EPS15: variants seen among roughly 807,000 people sequenced by gnomAD.
EPS15 encodes the protein epidermal growth factor receptor substrate 15.
In EPS15, 72 loss-of-function variants were observed where a neutral mutation model predicts 113.8. That is an observed-to-expected ratio of 0.63 (90% CI 0.52 to 0.77). The LOEUF (loss-of-function observed/expected upper bound fraction) is 0.77. Among genes scored for constraint, EPS15 ranks in the 30% least tolerant of loss-of-function variants. The pLI is 0.00. For missense variants in EPS15, 1,048 were observed against 1,045.8 expected (o/e 1.00, Z -0.03); for synonymous variants, 344 against 363.4 (o/e 0.95, Z 0.61).
chr1:51,461,254 C>T, intron 7 of EPS15, 104 bp from the exon 8 acceptor site: 1 of 784,388 alleles, frequency 1.3e-6, no homozygotes, highest in African/African-American at 1.7e-5. Flanking sequence ...GGCTCATGCC[C>T]ATATGGCCTC....
intron 13 of EPS15, among the ~76,000 whole-genome samples, chr1:51,415,627 T>C (rs1336246768): frequency 6.7e-6 from 1 of 149,848 alleles, no homozygotes; most frequent in African/African-American, 2.5e-5. Context: ...AAAAACCCCG[T>C]CTCTACTAAA....
chr1:51,415,490 T>C (rs1373365949), intron 13 of EPS15, among the ~76,000 whole-genome samples: 1 of 151,954 alleles, frequency 6.6e-6, no homozygotes, highest in Non-Finnish European at 1.5e-5. Flanking sequence ...TTTCTAAATA[T>C]GAAAAAAGGT....
At chr1:51,381,109 T>A (rs1168871056) in intron 21 of EPS15, among the ~76,000 whole-genome samples, 2 of 152,134 alleles carry the variant, frequency 1.3e-5, no homozygotes, top group African/African-American at 4.8e-5. Flanking sequence ...ATATCTCACT[T>A]TCAATAAGGA....
chr1:51,509,092 T>C (rs1011803529), intron 1 of EPS15, among the ~76,000 whole-genome samples: 2 of 152,094 alleles, frequency 1.3e-5, no homozygotes, highest in African/African-American at 2.4e-5. Context: ...TTTATCTCCC[T>C]AAAAAACCAA....
At chr1:51,392,065 G>T in intron 21 of EPS15, among the ~76,000 whole-genome samples, 1 of 152,018 alleles carries the variant, frequency 6.6e-6, no homozygotes, top group Non-Finnish European at 1.5e-5. Context: ...AAGAAAAGAG[G>T]TCCAAGGACT....
At chr1:51,385,301 T>G (rs543944126) in intron 21 of EPS15, among the ~76,000 whole-genome samples, 2 of 152,094 alleles carry the variant, frequency 1.3e-5, no homozygotes, top group South Asian at 4.2e-4. Context: ...AAATAGCCAA[T>G]AAGCATATAA....
intron 13 of EPS15, among the ~76,000 whole-genome samples, chr1:51,413,393 C>A (rs772167693): frequency 6.6e-6 from 1 of 152,174 alleles, no homozygotes; most frequent in Non-Finnish European, 1.5e-5. Context: ...CTTTGATTAT[C>A]CAAAATCTTG....
intron 6 of EPS15, among the ~76,000 whole-genome samples, chr1:51,464,573 C>T (rs1654712985): frequency 6.6e-6 from 1 of 152,094 alleles, no homozygotes; most frequent in Non-Finnish European, 1.5e-5. Context: ...GAATAAACAT[C>T]AAGATTTCTC....
intron 8 of EPS15, among the ~76,000 whole-genome samples, chr1:51,452,045 C>A (rs1187892841): frequency 2.6e-5 from 4 of 151,474 alleles, no homozygotes; most frequent in Admixed American, 6.6e-5. Flanking sequence ...CCAAACCCAG[C>A]TAATTTTTTT....
intron 12 of EPS15, among the ~76,000 whole-genome samples, chr1:51,436,070 G>T (rs1480733356): frequency 6.6e-6 from 1 of 152,198 alleles, no homozygotes; most frequent in East Asian, 1.9e-4. Context: ...TTCGAGTACT[G>T]TACTGAACAC....
chr1:51,494,325 C>G (rs976621706), intron 1 of EPS15, among the ~76,000 whole-genome samples: 1 of 152,198 alleles, frequency 6.6e-6, no homozygotes, highest in Admixed American at 6.5e-5. Flanking sequence ...TCTATAAAAC[C>G]TCTTATCCAT....
intron 1 of EPS15, among the ~76,000 whole-genome samples, chr1:51,488,141 G>A (rs541636780): frequency 6.6e-6 from 1 of 152,166 alleles, no homozygotes; most frequent in South Asian, 2.1e-4. Flanking sequence ...AAACAATAAG[G>A]CTATTTTCAA....
At chr1:51,380,864 A>T (rs1646925095) in intron 21 of EPS15, among the ~76,000 whole-genome samples, 1 of 152,240 alleles carries the variant, frequency 6.6e-6, no homozygotes, top group East Asian at 1.9e-4. Flanking sequence ...TTTCATGCAA[A>T]TAGAATATCA....
Position 51,519,219 on chromosome 1 carries a change from C to T in EPS15, c.13G>A (p.Ala5Thr). ...GTTACCTGTGTCAGAGAGAGCTGGG[C>T]CGCCGCAGCCATGGTGTTTCCATCA... is the stretch of plus-strand genomic sequence containing the variant. Reference protein sequence around the residue: MAAAAQLSLTQLSSG... With the variant: MAAATQLSLTQLSSG... Residue 5 changes from alanine (A) to threonine (T), a missense_variant, in exon 1 of 25, where the codon GCC becomes ACC. Physicochemically the swap from Ala to Thr is moderately conservative, Grantham distance 58. Coordinates refer to ENST00000371733, the MANE Select transcript of EPS15 (RefSeq NM_001981.3). 3 of 1,415,502 alleles carry T rather than the reference C, an allele frequency of 2.1e-6. No homozygotes were observed. The highest frequency in any genetic ancestry group is 2.8e-5 in the East Asian group (1 of 35,668). The allele number at this position is 1,415,502 out of a possible 1,614,324, so 87.7% of individuals were successfully genotyped here.
chr1:51,472,458 AC>A (rs1655311815), intron 3 of EPS15, among the ~76,000 whole-genome samples: 1 of 151,980 alleles, frequency 6.6e-6, no homozygotes. Context: ...GGGGCTTTCC[AC>A]CTCTTTGTGC....
intron 7 of EPS15, chr1:51,463,397 A>G: frequency 4.6e-6 from 1 of 219,114 alleles, no homozygotes; most frequent in Non-Finnish European, 8.9e-6. Context: ...AGCAAATAGG[A>G]GGTCAAGAGT....
chr1:51,428,387 T>TA (rs757826785), intron 12 of EPS15, among the ~76,000 whole-genome samples: 3 of 152,252 alleles, frequency 2.0e-5, no homozygotes, highest in Non-Finnish European at 4.4e-5. Context: ...CTCCACTTTA[T>TA]ACTTTCTATA....
At position 51,472,955 on chromosome 1, in the gene EPS15, A is replaced by G; in HGVS notation, c.76-7T>C. On this transcript the variant is annotated splice_region_variant and splice_polypyrimidine_tract_variant and intron_variant, in intron 2 of 24. Coordinates refer to ENST00000371733, the MANE Select transcript of EPS15 (RefSeq NM_001981.3). Reference sequence around the variant, plus strand: ...CAGTATTGCCTGTATCAACCTGAAAAGATACAAATCCGTAAGTTGACAACA... The same window carrying G: ...CAGTATTGCCTGTATCAACCTGAAAGGATACAAATCCGTAAGTTGACAACA... 1 of 1,606,022 alleles carries G rather than the reference A, an allele frequency of 6.2e-7. No individual in the cohort carries two copies. The highest frequency in any genetic ancestry group is 8.5e-7 in the Non-Finnish European group (1 of 1,173,232).
chr1:51,458,663 G>A (rs775159155), intron 8 of EPS15: 3 of 395,958 alleles, frequency 7.6e-6, no homozygotes, highest in South Asian at 5.2e-5. Context: ...CTTGAATCCA[G>A]GAGGCCGAGG....
Sources: allele counts gnomAD v4.1 joint callset (sites outside exome capture counted in the v4.1 genomes callset), GRCh38; gene constraint gnomAD v4.1.1; transcripts MANE v1.5; gene names NCBI Gene and HGNC (gene_info 2026-07-23, HGNC 2026-07-21).